GSE1: variants seen among roughly 807,000 people sequenced by gnomAD.
GSE1 encodes genetic suppressor element 1.
In GSE1, 32 loss-of-function variants were observed where a neutral mutation model predicts 112.6. The ratio of observed to expected loss-of-function variants is 0.28; its 90% CI spans 0.21 to 0.38. The LOEUF is 0.38. Among genes scored for constraint, GSE1 ranks in the 10% least tolerant of loss-of-function variants. The pLI, the probability that GSE1 is intolerant of heterozygous loss-of-function variation, is 1.00. For missense variants in GSE1, 2,348 were observed against 1,699.2 expected (o/e 1.38, Z -6.71); for synonymous variants, 1,115 against 735.6 (o/e 1.52, Z -8.35).
At chr16:85,635,703 C>A (rs1337742796) in intron 2 of GSE1, among the ~76,000 whole-genome samples, 1 of 152,188 alleles carries the variant, frequency 6.6e-6, no homozygotes, top group Non-Finnish European at 1.5e-5. Context: ...TCCGAGGCCA[C>A]GGGCGGCACG....
intron 1 of GSE1, among the ~76,000 whole-genome samples, chr16:85,605,913 T>G (rs531654210): frequency 6.6e-6 from 1 of 152,222 alleles, no homozygotes; most frequent in East Asian, 1.9e-4. Flanking sequence ...AGTTTCCTGA[T>G]GGGAAGAAAA....
In GSE1 at chr16:85,527,569, G is replaced by A. The variant is rs530147217; in HGVS notation, c.2465-106345G>A. On this transcript the variant is annotated intron_variant, in intron 2 of 2. Transcript: ENST00000637419. Reference sequence around the variant, plus strand: ...GGAGGCGGTTACTTCCTACGCACCCGCGCCACACTGCCCCGGGAGGGGCTT... The same window carrying A: ...GGAGGCGGTTACTTCCTACGCACCCACGCCACACTGCCCCGGGAGGGGCTT... 1.8e-4 allele frequency among the ~76,000 whole-genome samples: 27 copies of A among 152,388 alleles called. 1 individual carries two copies. The highest frequency in any genetic ancestry group is 6.8e-3 in the Middle Eastern group (2 of 294).
intron 1 of GSE1, among the ~76,000 whole-genome samples, chr16:85,289,422 C>T (rs996293586): frequency 2.0e-5 from 3 of 152,202 alleles, no homozygotes; most frequent in Non-Finnish European, 4.4e-5. Flanking sequence ...GGCCTTGCTT[C>T]GTGTCCCCTA....
At chr16:85,501,950 G>T (rs561608762) in intron 2 of GSE1, among the ~76,000 whole-genome samples, 3 of 152,206 alleles carry the variant, frequency 2.0e-5, no homozygotes, top group Non-Finnish European at 4.4e-5. Flanking sequence ...AGAATATTTT[G>T]TTGGGGGGCA....
At chr16:85,198,998 G>C (rs1353504337) in intron 1 of GSE1, among the ~76,000 whole-genome samples, 2 of 151,676 alleles carry the variant, frequency 1.3e-5, no homozygotes, top group African/African-American at 4.8e-5. Flanking sequence ...AGGCTGGAGT[G>C]CAGTGGCGTG....
chr16:85,267,147 CG>C (rs1908330481), intron 1 of GSE1, among the ~76,000 whole-genome samples: 1 of 152,156 alleles, frequency 6.6e-6, no homozygotes, highest in South Asian at 2.1e-4. Flanking sequence ...TGAAGGCTAT[CG>C]GAGCAGCGGC....
chr16:85,650,526 T>C (rs530410565), intron 3 of GSE1, among the ~76,000 whole-genome samples: 2 of 152,292 alleles, frequency 1.3e-5, no homozygotes, highest in East Asian at 1.9e-4. Flanking sequence ...TCCAGCGCCT[T>C]TTCCGGCGAC....
chr16:85,367,844 CTTTTTTTTTTT>C (rs5818532), intron 2 of GSE1, among the ~76,000 whole-genome samples: 2 of 115,036 alleles, frequency 1.7e-5, no homozygotes, highest in African/African-American at 3.4e-5. Flanking sequence ...AAATAAGATT[CTTTTTTTTTTT>C]TTTTTTTTTC....
chr16:85,582,626 C>A (rs1417078731), intron 1 of GSE1, among the ~76,000 whole-genome samples: 3 of 152,164 alleles, frequency 2.0e-5, no homozygotes, highest in South Asian at 4.1e-4. Context: ...ACACCCAGTT[C>A]CCCCTTACGC....
intron 1 of GSE1, among the ~76,000 whole-genome samples, chr16:85,188,232 G>A (rs971322565): frequency 5.9e-5 from 9 of 151,580 alleles, no homozygotes; most frequent in Admixed American, 1.3e-4. Context: ...GGGCTGCTGG[G>A]CACTGGGCAG....
intron 1 of GSE1, among the ~76,000 whole-genome samples, chr16:85,341,820 G>A (rs950261307): frequency 1.3e-5 from 2 of 151,914 alleles, no homozygotes; most frequent in African/African-American, 4.8e-5. Flanking sequence ...ATTTTTTAAT[G>A]TGTGAGTTTC....
intron 2 of GSE1, among the ~76,000 whole-genome samples, chr16:85,427,469 C>T (rs1238695378): frequency 6.6e-6 from 1 of 152,182 alleles, no homozygotes; most frequent in East Asian, 1.9e-4. Context: ...TGGTGAAACC[C>T]CGTCTCTAGT....
intron 1 of GSE1, among the ~76,000 whole-genome samples, chr16:85,249,420 G>T (rs904890779): frequency 6.6e-6 from 1 of 152,236 alleles, no homozygotes; most frequent in Non-Finnish European, 1.5e-5. Context: ...GCCTGTGCAG[G>T]CAGCAACCCC....
At chr16:85,192,317 C>T (rs547730503) in intron 1 of GSE1, among the ~76,000 whole-genome samples, 1 of 152,350 alleles carries the variant, frequency 6.6e-6, no homozygotes, top group Admixed American at 6.5e-5. Context: ...TGTTACTTAA[C>T]CTTTCTGTGC....
intron 2 of GSE1, among the ~76,000 whole-genome samples, chr16:85,469,716 T>C (rs1463133411): frequency 2.6e-5 from 4 of 152,212 alleles, no homozygotes; most frequent in Admixed American, 6.5e-5. Context: ...TTCCCTCTCT[T>C]GTCCCCAGTT....
At chr16:85,598,713 C>T (rs957936722) in intron 1 of GSE1, among the ~76,000 whole-genome samples, 2 of 152,244 alleles carry the variant, frequency 1.3e-5, no homozygotes, top group Non-Finnish European at 2.9e-5. Context: ...GTTTGCATCC[C>T]GCAACCATTG....
intron 2 of GSE1, among the ~76,000 whole-genome samples, chr16:85,539,505 T>A (rs984268784): frequency 6.6e-6 from 1 of 152,238 alleles, no homozygotes; most frequent in Non-Finnish European, 1.5e-5. Flanking sequence ...GCCAAGGCTA[T>A]GAGTTGTAAT....
At chr16:85,488,931 A>G (rs1243337672) in intron 2 of GSE1, among the ~76,000 whole-genome samples, 2 of 152,104 alleles carry the variant, frequency 1.3e-5, no homozygotes. Flanking sequence ...GATGAGGGCC[A>G]TCAACAGCCC....
chr16:85,323,314 C>A (rs2046154906), intron 1 of GSE1, among the ~76,000 whole-genome samples: 1 of 152,054 alleles, frequency 6.6e-6, no homozygotes, highest in Non-Finnish European at 1.5e-5. Flanking sequence ...TGCTGGAGAC[C>A]ACGAAATGGC....
Sources: gnomAD v4.1 joint callset for allele counts (sites outside exome capture counted in the v4.1 genomes callset) on GRCh38, gnomAD v4.1.1 for gene constraint, MANE v1.5 for transcripts, NCBI Gene and HGNC (gene_info 2026-07-23, HGNC 2026-07-21) for gene names.